Variants in OTOGL observed in about 807,000 individuals in gnomAD.
The protein encoded by OTOGL is otogelin-like protein.
OTOGL carries 285 observed loss-of-function variants against 318.5 expected under a neutral mutation model. That is an observed-to-expected ratio of 0.89 (90% CI 0.81 to 0.99). The LOEUF is 0.99. OTOGL is among the 50% of genes least tolerant of loss of function. The pLI is 0.00. For missense variants in OTOGL, 2,899 were observed against 2,845.6 expected (o/e 1.02, Z -0.43); for synonymous variants, 987 against 936.5 (o/e 1.05, Z -0.99).
In OTOGL at chr12:80,320,543, A is replaced by G. The variant is rs1565981793; in HGVS notation, c.3924A>G (p.Thr1308=). The G allele has an allele frequency of 1.9e-6, 3 of 1,613,574 alleles. No individual in the cohort carries two copies. The highest frequency in any genetic ancestry group is 2.2e-5 in the East Asian group (1 of 44,864). ...EANSAFHRRA[T]FFHHQGLWIP... is the part of the protein sequence containing the mutation. ...ATTCAGCCTTTCATCGGAGAGCAAC[A>G]TTTTTCCACCATCAGGGCCTCTGGA... is the stretch of plus-strand genomic sequence containing the variant. The change falls in exon 34 of 59, where the codon ACA becomes ACG. Residue 1308 remains threonine, a synonymous_variant. Coordinates refer to ENST00000547103, the MANE Select transcript of OTOGL (RefSeq NM_001378609.3).
intron 46 of OTOGL, among the ~76,000 whole-genome samples, chr12:80,354,577 C>G (rs1259510171): frequency 6.6e-6 from 1 of 151,926 alleles, no homozygotes; most frequent in Non-Finnish European, 1.5e-5. Flanking sequence ...AGTCATAGGC[C>G]TCTTCATTAC....
At position 80,328,783 on chromosome 12, in the gene OTOGL, T is replaced by A. The variant is rs117040479; in HGVS notation, c.4279+39T>A. The stretch of plus-strand genomic sequence containing the variant: ...TTGCTTAATTTACTCTGAAAAATTA[T>A]ACGCTTGCATATGTTTTTTCCGAGG... On this transcript the variant is annotated intron_variant, in intron 36 of 58. Transcript: ENST00000547103. The A allele has an allele frequency of 0.015, 23,324 of 1,510,818 alleles. 229 individuals carry two copies. The highest frequency in any genetic ancestry group is 0.018 in the Non-Finnish European group (20,145 of 1,093,174). 93.6% of individuals were successfully genotyped at this position (1,510,818 alleles called of 1,614,324 possible). A position where few individuals can be genotyped will look rare whatever the true frequency, so the allele number is the denominator to read the frequency against.
intron 7 of OTOGL, among the ~76,000 whole-genome samples, chr12:80,226,324 C>A (rs182281167): frequency 1.3e-5 from 2 of 151,796 alleles, no homozygotes; most frequent in East Asian, 3.9e-4. Flanking sequence ...TAGAGCTGAT[C>A]CCAATAGGTT....
In OTOGL at chr12:80,296,901, A is replaced by C. The variant is rs959580545; in HGVS notation, c.3003A>C (p.Lys1001Asn). The C allele has an allele frequency of 7.1e-6, 11 of 1,541,390 alleles. No individual in the cohort carries two copies. The highest frequency in any genetic ancestry group is 9.6e-6 in the Non-Finnish European group (11 of 1,145,854). The change falls in exon 27 of 59, where the codon AAA (lysine) becomes AAC (asparagine). Residue 1001 changes from lysine (K) to asparagine (N), a missense_variant. Lys to Asn is a moderately conservative substitution (Grantham distance 94). Around this residue, in one of 3 missense-constraint regions of OTOGL, gnomAD observed 2,607 missense variants for 2,524.9 expected, o/e 1.03. Coordinates refer to ENST00000547103, the MANE Select transcript of OTOGL (RefSeq NM_001378609.3). ...KCFDNDIVCS[K>N]SVLISVGDTE... ...TTGACAACGATATTGTTTGTTCTAA[A>C]AGTGTTTTGATTTCAGTTGGGGACA...
rs1215614999 is a variant in OTOGL, at chr12:80,256,403, A to G, written c.1654A>G (p.Thr552Ala). The change falls in exon 17 of 59, where the codon ACC becomes GCC. Residue 552 changes from threonine (T) to alanine (A), a missense_variant. By Grantham distance (58) the Thr-to-Ala change is moderately conservative. Transcript: ENST00000547103. The stretch of plus-strand genomic sequence containing the variant: ...GGAGGATGATTTTAACAAACAAGTG[A>G]CCCTTGGTAGGGGAGGACAAATTCT... ...ILEDDFNKQV[T>A]LGRGGQILTS... 4 of 1,593,668 alleles carry G rather than the reference A, an allele frequency of 2.5e-6. No individual in the cohort carries two copies. Among genetic ancestry groups the G allele is most frequent in the Non-Finnish European group, 3.4e-6 (4 of 1,176,728 alleles).
At chr12:80,325,446 G>A (rs987175573) in intron 35 of OTOGL, among the ~76,000 whole-genome samples, 1 of 152,194 alleles carries the variant, frequency 6.6e-6, no homozygotes, top group Non-Finnish European at 1.5e-5. Context: ...GTTAATCTCA[G>A]TATTCCTATT....
intron 1 of OTOGL, among the ~76,000 whole-genome samples, chr12:80,140,094 A>T (rs1006878101): frequency 6.6e-6 from 1 of 152,158 alleles, no homozygotes; most frequent in Non-Finnish European, 1.5e-5. Context: ...CATTCACTCC[A>T]GTTCCACCTG....
At chr12:80,320,361 G>A in intron 33 of OTOGL, 61 bp from the exon 34 acceptor site, 5 of 1,460,496 alleles carry the variant, frequency 3.4e-6, no homozygotes, top group Non-Finnish European at 4.6e-6. Flanking sequence ...AGTACATTTT[G>A]TGATGCCAAT....
At position 80,253,490 on chromosome 12, in the gene OTOGL, G is replaced by A. The variant is rs779393422; in HGVS notation, c.1310G>A (p.Cys437Tyr). Reference sequence around the variant, plus strand: ...GGCCTCGTAATGGACAATGGGACTTGCATCTCCTTGGAAAATTGCCCATGC... The same window carrying A: ...GGCCTCGTAATGGACAATGGGACTTACATCTCCTTGGAAAATTGCCCATGC... ...PDGLVMDNGT[C>Y]ISLENCPCGF... Residue 437 changes from cysteine to tyrosine, a missense_variant, in exon 14 of 59, where the codon TGC becomes TAC. Cys to Tyr is a radical substitution (Grantham distance 194). This residue lies in a region of OTOGL where 2,607 missense variants were observed against 2,524.9 expected (regional missense o/e 1.03). Transcript: ENST00000547103. The A allele has an allele frequency of 3.1e-6, 5 of 1,613,066 alleles. No individual in the cohort carries two copies. The African/African-American group carries it at 5.3e-5, about 17-fold the overall frequency.
chr12:80,358,305 T>C lies in OTOGL; in HGVS notation c.6077T>C (p.Val2026Ala). Residue 2026 changes from valine (V) to alanine (A), a missense_variant, in exon 50 of 59, where the codon GTA becomes GCA. By Grantham distance (64) the Val-to-Ala change is moderately conservative. This residue lies in a region of OTOGL where 2,607 missense variants were observed against 2,524.9 expected (regional missense o/e 1.03). Coordinates refer to ENST00000547103, the MANE Select transcript of OTOGL (RefSeq NM_001378609.3). ...PLCHDGEFLTVDLNSTHFCCP... is the reference protein window; with the variant it reads ...PLCHDGEFLTADLNSTHFCCP... The stretch of plus-strand genomic sequence containing the variant: ...TGTCATGATGGGGAATTTCTCACAG[T>C]AGATCTTAATAGCACACACTTCTGT... 6.2e-7 allele frequency: 1 copy of C among 1,610,730 alleles called. No homozygotes were observed. The highest frequency in any genetic ancestry group is 1.1e-5 in the South Asian group (1 of 90,658).
At chr12:80,147,808 A>T (rs1469124259) in intron 1 of OTOGL, among the ~76,000 whole-genome samples, 1 of 152,144 alleles carries the variant, frequency 6.6e-6, no homozygotes, top group African/African-American at 2.4e-5. Flanking sequence ...ACCATTATAT[A>T]ATGGCCTTGT....
intron 1 of OTOGL, among the ~76,000 whole-genome samples, chr12:80,169,800 A>G (rs923189097): frequency 2.0e-5 from 3 of 152,178 alleles, no homozygotes; most frequent in Non-Finnish European, 2.9e-5. Context: ...TCTAGATTCT[A>G]TCACTTAGCA....
At chr12:80,235,125 A>C (rs886276397) in intron 9 of OTOGL, among the ~76,000 whole-genome samples, 1 of 152,046 alleles carries the variant, frequency 6.6e-6, no homozygotes. Flanking sequence ...TTCACGAAAA[A>C]AAAATAATCC....
At chr12:80,272,845 C>T (rs541343833) in intron 24 of OTOGL, among the ~76,000 whole-genome samples, 1 of 152,098 alleles carries the variant, frequency 6.6e-6, no homozygotes, top group African/African-American at 2.4e-5. Context: ...CACAAAAGAA[C>T]AAGTGCCTGT....
intron 1 of OTOGL, among the ~76,000 whole-genome samples, chr12:80,135,715 A>G (rs1871524549): frequency 6.6e-6 from 1 of 152,204 alleles, no homozygotes; most frequent in Admixed American, 6.5e-5. Flanking sequence ...TATCTAGATA[A>G]CTGGTCAAAC....
chr12:80,231,800 ATT>A (rs763600811), intron 8 of OTOGL, among the ~76,000 whole-genome samples: 39 of 140,270 alleles, frequency 2.8e-4, no homozygotes, highest in Admixed American at 5.0e-4. Flanking sequence ...TGACCAACTA[ATT>A]TTTTTTTTTT....
intron 22 of OTOGL, among the ~76,000 whole-genome samples, chr12:80,268,967 C>T (rs564321302): frequency 6.6e-6 from 1 of 151,278 alleles, no homozygotes; most frequent in Non-Finnish European, 1.5e-5. Flanking sequence ...AATATAGTGA[C>T]TTTGTTAGCC....
intron 5 of OTOGL, 115 bp from the exon 6 acceptor site, chr12:80,219,699 G>C (rs1035646234): frequency 1.3e-4 from 89 of 711,202 alleles, no homozygotes; most frequent in Non-Finnish European, 1.8e-4. Context: ...AAGAGGCTGA[G>C]AGTTCTGTTT....
At chr12:80,116,984 T>G (rs1271049301) in intron 1 of OTOGL, among the ~76,000 whole-genome samples, 2 of 152,150 alleles carry the variant, frequency 1.3e-5, no homozygotes, top group Admixed American at 1.3e-4. Flanking sequence ...TATGCTCCAG[T>G]GGCAACAGGA....
Sources: allele counts gnomAD v4.1 joint callset (sites outside exome capture counted in the v4.1 genomes callset), GRCh38; gene constraint gnomAD v4.1.1; regional missense constraint gnomAD v4.1.1; transcripts MANE v1.5; gene names NCBI Gene and HGNC (gene_info 2026-07-23, HGNC 2026-07-21).